CROCC: variants seen among roughly 807,000 people sequenced by gnomAD.
CROCC encodes the protein rootletin.
In CROCC, 180 loss-of-function variants were observed where a neutral mutation model predicts 245.2. The ratio of observed to expected loss-of-function variants is 0.73; its 90% CI spans 0.65 to 0.83. The LOEUF is 0.83. Among genes scored for constraint, CROCC ranks in the 40% least tolerant of loss-of-function variants. The pLI, the probability that CROCC is intolerant of heterozygous loss-of-function variation, is 0.00. For missense variants in CROCC, 2,688 were observed against 2,779.4 expected (o/e 0.97, Z 0.74); for synonymous variants, 1,205 against 1,241.6 (o/e 0.97, Z 0.62).
chr1:16,930,408 G>T (rs1212299805), intron 6 of CROCC, 21 bp from the exon 7 acceptor site: 1 of 1,611,364 alleles, frequency 6.2e-7, no homozygotes. Flanking sequence ...AGCGCCTACT[G>T]ATCCCCTGTG....
intron 25 of CROCC, 149 bp downstream of exon 25, chr1:16,956,305 ATGGGCTTTG>A: frequency 1.2e-6 from 1 of 847,222 alleles, no homozygotes; most frequent in East Asian, 2.7e-5. Flanking sequence ...GTGTGAATGG[ATGGGCTTTG>A]AGGAGTCCTT....
chr1:16,960,839 G>A lies in CROCC; in HGVS notation c.4114G>A (p.Glu1372Lys). ...RERRLLGSLEEARGTEKQQLD... is the reference protein window; with the variant it reads ...RERRLLGSLEKARGTEKQQLD... ...GCGACGCCTGCTGGGCTCCCTGGAG[G>A]AGGCGCGTGGCACTGAAAAGCAGCA... The change falls in exon 27 of 37, where the codon GAG becomes AAG. Residue 1372 changes from glutamate (E) to lysine (K), a missense_variant. This residue lies in a region of CROCC where 1,218 missense variants were observed against 1,286.3 expected (regional missense o/e 0.95). Transcript: ENST00000375541. 1 of 1,518,546 alleles carries A rather than the reference G, an allele frequency of 6.6e-7. No homozygotes were observed. The highest frequency in any genetic ancestry group is 2.0e-5 in the Admixed American group (1 of 49,252). 94.1% of individuals were successfully genotyped at this position (1,518,546 alleles called of 1,614,324 possible).
intron 3 of CROCC, among the ~76,000 whole-genome samples, chr1:16,927,246 G>T (rs1312235857): frequency 5.3e-5 from 8 of 152,324 alleles, no homozygotes; most frequent in African/African-American, 1.7e-4. Context: ...CCCCACACAG[G>T]CACAGAACAG....
intron 35 of CROCC, 152 bp from the exon 36 acceptor site, chr1:16,971,313 G>A: frequency 3.2e-6 from 4 of 1,243,188 alleles, no homozygotes; most frequent in Non-Finnish European, 3.2e-6. Flanking sequence ...CAGGCTCACT[G>A]TCAGGGCCAG....
intron 17 of CROCC, among the ~76,000 whole-genome samples, chr1:16,948,075 G>C (rs1214826285): frequency 6.6e-6 from 1 of 152,288 alleles, no homozygotes; most frequent in Non-Finnish European, 1.5e-5. Flanking sequence ...CTGACCTCAA[G>C]TGATCCACCT....
Position 16,954,725 on chromosome 1 carries a change from C to G in CROCC, c.3322-9C>G. On this transcript the variant is annotated splice_polypyrimidine_tract_variant and intron_variant, in intron 22 of 36. Coordinates refer to ENST00000375541, the MANE Select transcript of CROCC (RefSeq NM_014675.5). The surrounding 1 kb of genome is among the most constrained non-coding windows in gnomAD (Gnocchi z 4.4). The stretch of plus-strand genomic sequence containing the variant: ...GCAGGACCAAGTCTGAGGAGCCCCT[C>G]TGTCCCAGAGCACCGTGAACGCTCT... 3.2e-6 allele frequency: 5 copies of G among 1,546,044 alleles called. No individual in the cohort carries two copies. The highest frequency in any genetic ancestry group is 4.4e-6 in the Non-Finnish European group (5 of 1,143,950).
chr1:16,925,960 C>T (rs1235060867), intron 3 of CROCC, among the ~76,000 whole-genome samples: 1 of 152,270 alleles, frequency 6.6e-6, no homozygotes, highest in Non-Finnish European at 1.5e-5. Flanking sequence ...TGCCACACCC[C>T]CAGGGCCGCC....
upstream of CROCC, chr1:16,921,886 A>C: frequency 1.1e-6 from 1 of 935,688 alleles, no homozygotes; most frequent in Non-Finnish European, 1.7e-6. Flanking sequence ...CGGTGGTCAC[A>C]TGGGGGCGCC....
Position 16,970,764 on chromosome 1 carries a change from G to A in CROCC, c.5781G>A (p.Leu1927=). The change falls in exon 35 of 37, where the codon CTG becomes CTA. Residue 1927 remains leucine, a synonymous_variant. Transcript: ENST00000375541. The part of the protein sequence containing the change: ...LAEAQRQIQQ[L]EAQVVVLEQS... ...AGGCGCAGAGGCAGATCCAGCAGCTGGAGGTCTGACCCCACCCAGTCCGGG... is the reference window on the plus strand; with the variant it reads ...AGGCGCAGAGGCAGATCCAGCAGCTAGAGGTCTGACCCCACCCAGTCCGGG... 1 of 1,584,594 alleles carries A rather than the reference G, an allele frequency of 6.3e-7. No individual in the cohort carries two copies. Among genetic ancestry groups the A allele is most frequent in the Non-Finnish European group, 8.6e-7 (1 of 1,168,078 alleles).
rs1313350767 is a variant in CROCC at position 16,924,498 on chromosome 1, G to A, written c.351+19G>A. 2.5e-6 allele frequency: 4 copies of A among 1,607,306 alleles called. No homozygotes were observed. The African/African-American group carries it at 5.3e-5, about 21-fold the overall frequency. Reference sequence around the variant, plus strand: ...CGAGAGGGTGGGTGCCGCCCAGGTGGTGGACTAGGCCAGGGTTCCCCTCGT... The same window carrying A: ...CGAGAGGGTGGGTGCCGCCCAGGTGATGGACTAGGCCAGGGTTCCCCTCGT... On this transcript the variant is annotated intron_variant, in intron 3 of 36. Coordinates refer to ENST00000375541, the MANE Select transcript of CROCC (RefSeq NM_014675.5).
At chr1:16,915,987 T>A (rs2075298801) in intron 1 of CROCC, among the ~76,000 whole-genome samples, 1 of 152,240 alleles carries the variant, frequency 6.6e-6, no homozygotes, top group South Asian at 2.1e-4. Flanking sequence ...AAGACCAGCC[T>A]GGCCAATACA....
chr1:16,939,192 G>T, intron 12 of CROCC, 50 bp downstream of exon 12: 1 of 1,254,278 alleles, frequency 8.0e-7, no homozygotes, highest in Non-Finnish European at 1.0e-6. Flanking sequence ...CTGGGGGAGG[G>T]GCTCGCGCCC....
intron 27 of CROCC, among the ~76,000 whole-genome samples, chr1:16,964,855 G>A (rs1269113089): frequency 6.6e-6 from 1 of 152,090 alleles, no homozygotes; most frequent in East Asian, 1.9e-4. Flanking sequence ...GCTAATTTTT[G>A]TATTTTTAGT....
In CROCC at chr1:16,936,808, C is replaced by T. The variant is rs767367980; in HGVS notation, c.1128C>T (p.Leu376=). The T allele has an allele frequency of 1.2e-6, 2 of 1,612,234 alleles. No homozygotes were observed. The highest frequency in any genetic ancestry group is 1.7e-6 in the Non-Finnish European group (2 of 1,179,836). ...QLEEQLRDKV[L]REKDLAQQQM... Reference sequence around the variant, plus strand: ...AGGAGCAGCTGCGGGACAAGGTGCTCCGCGAGAAGGACCTGGCGCAGCAGC... The same window carrying T: ...AGGAGCAGCTGCGGGACAAGGTGCTTCGCGAGAAGGACCTGGCGCAGCAGC... Residue 376 remains leucine, a synonymous_variant, in exon 9 of 37, where the codon CTC becomes CTT. Coordinates refer to ENST00000375541, the MANE Select transcript of CROCC (RefSeq NM_014675.5).
At chr1:16,969,963 C>G (rs764938388) in intron 33 of CROCC, 29 bp downstream of exon 33, 2 of 1,548,752 alleles carry the variant, frequency 1.3e-6, no homozygotes, top group Middle Eastern at 1.8e-4. Flanking sequence ...CCCCTCTGTC[C>G]CCAAGACTGT....
chr1:16,939,815 A>G, intron 12 of CROCC, 79 bp from the exon 13 acceptor site: 1 of 1,518,064 alleles, frequency 6.6e-7, no homozygotes, highest in Non-Finnish European at 9.1e-7. Flanking sequence ...GCTAGTGTGT[A>G]TCCCTGGAAC....
chr1:16,971,261 C>A (rs2076514043), intron 35 of CROCC, among the ~76,000 whole-genome samples: 1 of 148,432 alleles, frequency 6.7e-6, no homozygotes, highest in Non-Finnish European at 1.5e-5. Flanking sequence ...GTCCATGCAC[C>A]TGCCTGAGTG....
At chr1:16,942,876 C>T (rs1264228335) in intron 13 of CROCC, among the ~76,000 whole-genome samples, 9 of 152,372 alleles carry the variant, frequency 5.9e-5, no homozygotes, top group East Asian at 1.9e-4. Context: ...GAGGCCAAGG[C>T]GGGTGGATCA....
chr1:16,946,003 CAG>C (rs535021843), intron 15 of CROCC, among the ~76,000 whole-genome samples: 26 of 152,398 alleles, frequency 1.7e-4, no homozygotes, highest in East Asian at 9.6e-4. Context: ...AGACCCTACT[CAG>C]GGGATCCTCT....
Sources: gnomAD v4.1 joint callset for allele counts (sites outside exome capture counted in the v4.1 genomes callset) on GRCh38, gnomAD v4.1.1 for gene constraint, gnomAD v4.1.1 regional missense constraint, Gnocchi (gnomAD v3.1) non-coding constraint, MANE v1.5 for transcripts, NCBI Gene and HGNC (gene_info 2026-07-23, HGNC 2026-07-21) for gene names.